The following PPCDC variants were observed in gnomAD, a reference collection of about 807,000 sequenced individuals.
PPCDC encodes the protein phosphopantothenoylcysteine decarboxylase.
Under a neutral mutation model 20.7 loss-of-function variants are expected in PPCDC, and 20 were observed. The ratio of observed to expected loss-of-function variants is 0.97; its 90% CI spans 0.68 to 1.41. PPCDC has a LOEUF of 1.41. Ranked by LOEUF, PPCDC falls within the 40% of genes most tolerant of loss-of-function variation. The probability of loss-of-function intolerance (pLI) is 0.00; values close to 1 mark genes in which losing one functional copy is unlikely to be tolerated. For missense variants in PPCDC, 246 were observed against 263.8 expected, an observed-to-expected ratio of 0.93 and a Z score of 0.47; for synonymous variants, 88 against 100.3, an observed-to-expected ratio of 0.88 and a Z score of 0.73.
intron 2 of PPCDC, among the ~76,000 whole-genome samples, chr15:75,036,208 A>T (rs1473514522): frequency 6.6e-6 from 1 of 152,178 alleles, no homozygotes; most frequent in Non-Finnish European, 1.5e-5. Context: ...TAAATGAGTA[A>T]ACGGTCAGAA....
chr15:75,030,915 G>T (rs1413999650), intron 2 of PPCDC, among the ~76,000 whole-genome samples: 1 of 152,102 alleles, frequency 6.6e-6, no homozygotes, highest in Non-Finnish European at 1.5e-5. Flanking sequence ...AGACTGTGAG[G>T]GGTGGTGGAG....
chr15:75,048,529 C>T (rs199962245), intron 4 of PPCDC, 24 bp from the exon 5 acceptor site: 7 of 1,608,902 alleles, frequency 4.4e-6, no homozygotes, highest in Non-Finnish European at 5.9e-6. Flanking sequence ...AGCAAGACCC[C>T]CACTTCCCTG....
intron 1 of PPCDC, among the ~76,000 whole-genome samples, chr15:75,024,049 A>G (rs1464478826): frequency 6.6e-6 from 1 of 152,218 alleles, no homozygotes; most frequent in Non-Finnish European, 1.5e-5. Flanking sequence ...AAGGAAAGCC[A>G]TGGGATGTTG....
chr15:75,038,757 AT>A (rs1007824936), intron 2 of PPCDC, among the ~76,000 whole-genome samples: 4 of 150,836 alleles, frequency 2.7e-5, no homozygotes, highest in Non-Finnish European at 4.4e-5. Flanking sequence ...TTTTTTTGTA[AT>A]TTTCTCCTAT....
chr15:75,025,403 T>C (rs1056407039), intron 1 of PPCDC, among the ~76,000 whole-genome samples: 15 of 152,244 alleles, frequency 9.9e-5, no homozygotes, highest in Non-Finnish European at 1.9e-4. Context: ...GCTCTGTCTT[T>C]AGTCTGGTTC....
At chr15:75,039,716 G>T (rs533979026) in intron 2 of PPCDC, among the ~76,000 whole-genome samples, 1 of 152,022 alleles carries the variant, frequency 6.6e-6, no homozygotes, top group African/African-American at 2.4e-5. Flanking sequence ...TTCTGAAAGC[G>T]CATTGGCACG....
At chr15:75,026,060 C>T (rs1179671522) in intron 1 of PPCDC, among the ~76,000 whole-genome samples, 2 of 152,168 alleles carry the variant, frequency 1.3e-5, no homozygotes, top group Non-Finnish European at 1.5e-5. Context: ...GTTGAAGTCA[C>T]TAATACAGAT....
chr15:75,038,070 C>A (rs2066107288), intron 2 of PPCDC, among the ~76,000 whole-genome samples: 1 of 152,186 alleles, frequency 6.6e-6, no homozygotes, highest in East Asian at 1.9e-4. Context: ...CAAGGCATAT[C>A]GATTTTAGTT....
At chr15:75,028,501 C>A (rs370138823) in intron 2 of PPCDC, 48 bp downstream of exon 2, 1 of 1,609,512 alleles carries the variant, frequency 6.2e-7, no homozygotes, top group Admixed American at 1.7e-5. Flanking sequence ...CATGGGAGGC[C>A]GGTGCTCCCG....
rs1468120932 is a variant in PPCDC at position 75,032,975 on chromosome 15, A to AT, written c.135+4524dup. ...CATCACACTCTGCTAATTTTTTTGCATTCTTTTTGTAGATACAGGATTTTG... is the reference window on the plus strand; with the variant it reads ...CATCACACTCTGCTAATTTTTTTGCATTTCTTTTTGTAGATACAGGATTTTG... On this transcript the variant is annotated intron_variant, in intron 2 of 5. Coordinates refer to ENST00000342932, the MANE Select transcript of PPCDC (RefSeq NM_021823.5). 3.3e-5 allele frequency among the ~76,000 whole-genome samples: 5 copies of AT among 151,394 alleles called. No individual in the cohort carries two copies. In the East Asian group the frequency reaches 7.7e-4, roughly 23 times the overall value.
In PPCDC at chr15:75,049,175, G is replaced by A; in HGVS notation, c.555G>A (p.Gly185=). The A allele has an allele frequency of 6.2e-7, 1 of 1,614,220 alleles. No homozygotes were observed. The highest frequency in any genetic ancestry group is 1.3e-5 in the African/African-American group (1 of 75,064). ...GTCTCGGGGCCATGGCTGAAGTGGG[G>A]ACCATCGTGGACAAAGTGAAAGAAG... is the stretch of plus-strand genomic sequence containing the variant. The part of the protein sequence containing the change: ...DEGLGAMAEV[G]TIVDKVKEVL... Residue 185 remains glycine (G), a synonymous_variant, in exon 6 of 6, where the codon GGG becomes GGA. Transcript: ENST00000342932.
rs1236684842 is a variant in PPCDC, at chr15:75,028,392, C to T, written c.74C>T (p.Thr25Met). Residue 25 changes from threonine to methionine, a missense_variant, in exon 2 of 6, where the codon ACG (threonine) becomes ATG (methionine). Around this residue, in one of 2 missense-constraint regions of PPCDC, gnomAD observed 225 missense variants for 222.6 expected, o/e 1.01. Transcript: ENST00000342932. ...AAATTCCATGTTCTTGTGGGTGTCA[C>T]GGGGAGTGTCGCAGCCCTGAAGTTG... Reference protein sequence around the residue: ...ERKFHVLVGVTGSVAALKLPL... With the variant: ...ERKFHVLVGVMGSVAALKLPL... 6.8e-6 allele frequency: 11 copies of T among 1,614,166 alleles called. No individual in the cohort carries two copies. The highest frequency in any genetic ancestry group is 1.6e-4 in the Middle Eastern group (1 of 6,062).
At chr15:75,048,472 G>T in intron 4 of PPCDC, 81 bp from the exon 5 acceptor site, 1 of 1,540,072 alleles carries the variant, frequency 6.5e-7, no homozygotes, top group Non-Finnish European at 8.8e-7. Context: ...CAGCTGGGCT[G>T]CTGGCTGCAG....
chr15:75,026,561 C>T (rs2065962311), intron 1 of PPCDC, among the ~76,000 whole-genome samples: 1 of 152,192 alleles, frequency 6.6e-6, no homozygotes, highest in Admixed American at 6.5e-5. Flanking sequence ...GTGGGTTGTG[C>T]TCAAGTGCTG....
chr15:75,048,735 C>T lies in PPCDC; in HGVS notation c.529+14C>T. Reference sequence around the variant, plus strand: ...GCGGAGATGAAGGTGGGTGTCTTGCCAGGCTTATAGCCCAGGGCTGTAGAA... The same window carrying T: ...GCGGAGATGAAGGTGGGTGTCTTGCTAGGCTTATAGCCCAGGGCTGTAGAA... On this transcript the variant is annotated intron_variant, in intron 5 of 5. Coordinates refer to ENST00000342932, the MANE Select transcript of PPCDC (RefSeq NM_021823.5). 6.2e-7 allele frequency: 1 copy of T among 1,613,068 alleles called. No homozygotes were observed. The highest frequency in any genetic ancestry group is 1.3e-5 in the African/African-American group (1 of 75,042).
intron 2 of PPCDC, among the ~76,000 whole-genome samples, chr15:75,032,507 A>G (rs1457373318): frequency 6.6e-6 from 1 of 152,234 alleles, no homozygotes; most frequent in Non-Finnish European, 1.5e-5. Context: ...AAGTGAAAGG[A>G]TGTCCATTAT....
In PPCDC at chr15:75,043,378, G is replaced by A. The variant is rs2066178393; in HGVS notation, c.136-63G>A. The A allele has an allele frequency of 1.6e-5, 23 of 1,453,216 alleles. 1 individual carries two copies. In the South Asian group the frequency reaches 2.7e-4, roughly 17 times the overall value. The allele number at this position is 1,453,216 out of a possible 1,614,324, so 90.0% of individuals were successfully genotyped here. ...TGCCCTGACCCTCCTGTGGCCTCCAGGCCTGTGGCTCTGGTAACAGTTTCT... is the reference window on the plus strand; with the variant it reads ...TGCCCTGACCCTCCTGTGGCCTCCAAGCCTGTGGCTCTGGTAACAGTTTCT... On this transcript the variant is annotated intron_variant, in intron 2 of 5. Transcript: ENST00000342932.
In PPCDC at chr15:75,023,605, C is replaced by A. The variant is rs1471176205; in HGVS notation, c.-94C>A. On this transcript the variant is annotated 5_prime_UTR_variant, in exon 1 of 6. Transcript: ENST00000342932. ...GAGATACCGCGATATTTGGGAGCGGCCCCGAGACGCGCCTGGCGCGGGTGA... is the reference window on the plus strand; with the variant it reads ...GAGATACCGCGATATTTGGGAGCGGACCCGAGACGCGCCTGGCGCGGGTGA... 3 of 152,276 alleles carry A rather than the reference C, an allele frequency of 2.0e-5. No individual in the cohort carries two copies. Among genetic ancestry groups the A allele is most frequent in the African/African-American group, 7.2e-5 (3 of 41,446 alleles). 9.4% of individuals were successfully genotyped at this position (152,276 alleles called of 1,614,324 possible).
At chr15:75,039,337 C>A (rs889567619) in intron 2 of PPCDC, among the ~76,000 whole-genome samples, 1 of 152,128 alleles carries the variant, frequency 6.6e-6, no homozygotes, top group African/African-American at 2.4e-5. Context: ...GTTGACCTTG[C>A]GTTCTTAGGG....
Sources: gnomAD v4.1 joint callset for allele counts (sites outside exome capture counted in the v4.1 genomes callset) on GRCh38, gnomAD v4.1.1 for gene constraint, gnomAD v4.1.1 regional missense constraint, MANE v1.5 for transcripts, NCBI Gene and HGNC (gene_info 2026-07-23, HGNC 2026-07-21) for gene names.